The following RASSF8 variants were observed in gnomAD, a reference collection of about 807,000 sequenced individuals.
RASSF8 encodes Ras association domain family member 8.
A neutral mutation model predicts 48.5 loss-of-function variants in RASSF8; 22 were observed. That is an observed-to-expected ratio of 0.45 (90% CI 0.32 to 0.65). The LOEUF is 0.65. Ranked by LOEUF, RASSF8 falls within the 30% of genes least tolerant of loss-of-function variation. RASSF8 has a pLI of 0.03. For missense variants in RASSF8, 418 were observed against 489.2 expected (o/e 0.85, Z 1.37); for synonymous variants, 127 against 171.5 (o/e 0.74, Z 2.03).
chr12:25,968,921 G>A (rs1385273705), intron 1 of RASSF8, among the ~76,000 whole-genome samples: 1 of 152,240 alleles, frequency 6.6e-6, no homozygotes, highest in African/African-American at 2.4e-5. Context: ...GCTAATGTAA[G>A]CACATTTGAG....
At chr12:26,048,915 A>G (rs956271082) in intron 2 of RASSF8, among the ~76,000 whole-genome samples, 22 of 151,672 alleles carry the variant, frequency 1.5e-4, no homozygotes, top group African/African-American at 5.1e-4. Context: ...CACCATACCC[A>G]GCTAATTTTT....
chr12:26,061,017 G>A (rs185116344), intron 3 of RASSF8, among the ~76,000 whole-genome samples: 231 of 152,284 alleles, frequency 1.5e-3, no homozygotes, highest in Admixed American at 3.1e-3. Flanking sequence ...CAGAGGGTTG[G>A]TGATGAAGAT....
At chr12:26,065,466 A>T in intron 4 of RASSF8, 79 bp downstream of exon 4, 1 of 1,468,248 alleles carries the variant, frequency 6.8e-7, no homozygotes, top group Non-Finnish European at 9.1e-7. Flanking sequence ...ATCATTGTCA[A>T]TTTTTCCTTA....
intron 2 of RASSF8, among the ~76,000 whole-genome samples, chr12:25,996,202 G>C (rs948785353): frequency 2.0e-5 from 3 of 152,078 alleles, no homozygotes; most frequent in Non-Finnish European, 4.4e-5. Context: ...TTATATCCAC[G>C]TGAGAGTCAA....
At chr12:26,062,062 T>C (rs1156848986) in intron 3 of RASSF8, among the ~76,000 whole-genome samples, 3 of 152,220 alleles carry the variant, frequency 2.0e-5, no homozygotes, top group Admixed American at 1.3e-4. Context: ...ATGTGATGAT[T>C]CGGTTTTCCT....
intron 1 of RASSF8, among the ~76,000 whole-genome samples, chr12:25,991,871 A>G (rs1437056033): frequency 2.0e-5 from 3 of 152,238 alleles, no homozygotes; most frequent in Non-Finnish European, 2.9e-5. Flanking sequence ...AGAATGCTTA[A>G]TCTTTAGCAC....
chr12:25,973,164 C>G (rs1466297277), intron 1 of RASSF8, among the ~76,000 whole-genome samples: 1 of 151,980 alleles, frequency 6.6e-6, no homozygotes, highest in Non-Finnish European at 1.5e-5. Flanking sequence ...CTCAGTCTCC[C>G]CAGAATAAGC....
chr12:25,986,506 T>G (rs1941879055), intron 1 of RASSF8, among the ~76,000 whole-genome samples: 1 of 152,214 alleles, frequency 6.6e-6, no homozygotes, highest in South Asian at 2.1e-4. Flanking sequence ...CATATCTTGG[T>G]CCACTGGACT....
intron 2 of RASSF8, among the ~76,000 whole-genome samples, chr12:26,017,026 T>C (rs1308150861): frequency 1.3e-5 from 2 of 152,220 alleles, no homozygotes; most frequent in Non-Finnish European, 2.9e-5. Flanking sequence ...TTTTTTCCTA[T>C]GTGTGAATAA....
intron 2 of RASSF8, among the ~76,000 whole-genome samples, chr12:25,995,665 A>C (rs894626818): frequency 6.6e-5 from 10 of 152,058 alleles, no homozygotes; most frequent in Non-Finnish European, 1.2e-4. Flanking sequence ...AAGGGGGGGC[A>C]TAAAAATCTC....
intron 2 of RASSF8, among the ~76,000 whole-genome samples, chr12:26,016,855 TC>T (rs1942663675): frequency 6.6e-6 from 1 of 152,330 alleles, no homozygotes; most frequent in African/African-American, 2.4e-5. Flanking sequence ...AATGAAAATA[TC>T]ATCTGAAGTT....
rs572239221 is a variant in RASSF8 at position 26,071,403 on chromosome 12, T to G, written c.*2585T>G. On this transcript the variant is annotated 3_prime_UTR_variant, in exon 6 of 6. Coordinates refer to ENST00000689635, the MANE Select transcript of RASSF8 (RefSeq NM_001394098.1). ...CTAAATTAGATTTCAATGTTTTGTG[T>G]TTTTTTTAAAAAAATCATATTGCAA... is the stretch of plus-strand genomic sequence containing the variant. 118 of 531,162 alleles carry G rather than the reference T, an allele frequency of 2.2e-4. No homozygotes were observed. The African/African-American group carries it at 2.4e-3, about 11-fold the overall frequency. The allele number at this position is 531,162 out of a possible 1,614,324, so 32.9% of individuals were successfully genotyped here. A position where few individuals can be genotyped will look rare whatever the true frequency, so the allele number is the denominator to read the frequency against.
At chr12:26,015,820 G>C (rs945041384) in intron 2 of RASSF8, among the ~76,000 whole-genome samples, 3 of 149,534 alleles carry the variant, frequency 2.0e-5, no homozygotes, top group South Asian at 2.2e-4. Context: ...TGCTTTGCCT[G>C]TTCAGTGGTA....
intron 1 of RASSF8, among the ~76,000 whole-genome samples, chr12:25,969,241 GCA>G (rs553518532): frequency 1.4e-4 from 21 of 152,280 alleles, no homozygotes; most frequent in African/African-American, 4.6e-4. Context: ...GCAGGCAGGA[GCA>G]CAGACTCCGG....
At chr12:26,048,723 TTTTTG>T (rs1478448546) in intron 2 of RASSF8, among the ~76,000 whole-genome samples, 3 of 152,040 alleles carry the variant, frequency 2.0e-5, no homozygotes, top group Admixed American at 1.3e-4. Flanking sequence ...CACCTTTTTG[TTTTTG>T]TTTTGTTTTT....
At chr12:26,073,849 C>CACACACACATATAT (rs35014279), downstream of RASSF8, among the ~76,000 whole-genome samples, 26 of 144,192 alleles carry the variant, frequency 1.8e-4, no homozygotes, top group African/African-American at 6.3e-4. Context: ...CACACACACA[C>CACACACACATATAT]ATATATATAT....
Position 25,993,342 on chromosome 12 carries a change from TAAC to T in RASSF8, c.-202-1692_-202-1690del, listed in dbSNP as rs544971067. ...AACCTTATTTTATGGATGAAGAAGA[TAAC>T]AATTATGTCAGTTTTAGAAACTCAT... On this transcript the variant is annotated intron_variant, in intron 1 of 5. Coordinates refer to ENST00000689635, the MANE Select transcript of RASSF8 (RefSeq NM_001394098.1). Among the ~76,000 whole-genome samples the T allele has an allele frequency of 3.2e-3, 489 of 152,314 alleles. 2 individuals are homozygous for T. Among genetic ancestry groups the T allele is most frequent in the African/African-American group, 0.011 (446 of 41,564 alleles).
rs368642070 is a variant in RASSF8 at position 26,065,197 on chromosome 12, T to G, written c.803T>G (p.Met268Arg). 1 of 1,614,102 alleles carries G rather than the reference T, an allele frequency of 6.2e-7. No individual in the cohort carries two copies. The highest frequency in any genetic ancestry group is 2.2e-5 in the East Asian group (1 of 44,872). Residue 268 changes from methionine to arginine, a missense_variant, in exon 4 of 6, where the codon ATG becomes AGG. Met to Arg is a moderately conservative substitution (Grantham distance 91). Coordinates refer to ENST00000689635, the MANE Select transcript of RASSF8 (RefSeq NM_001394098.1). ...GACTATTTGGCACAGATCCGGACTA[T>G]GGAAAGTGGTCTTGAAGCAGAAAAA... ...LKDYLAQIRT[M>R]ESGLEAEKLQ...
At chr12:25,984,965 A>C (rs1255149637) in intron 1 of RASSF8, among the ~76,000 whole-genome samples, 2 of 152,194 alleles carry the variant, frequency 1.3e-5, no homozygotes, top group Non-Finnish European at 2.9e-5. Context: ...TATGGACATT[A>C]ACAAACTGAA....
Sources: allele counts gnomAD v4.1 joint callset (sites outside exome capture counted in the v4.1 genomes callset), GRCh38; gene constraint gnomAD v4.1.1; transcripts MANE v1.5; gene names NCBI Gene and HGNC (gene_info 2026-07-23, HGNC 2026-07-21).